The following ZNF804A variants were observed in gnomAD, a reference collection of about 807,000 sequenced individuals.
ZNF804A encodes zinc finger protein 804A.
Under a neutral mutation model 16.5 loss-of-function variants are expected in ZNF804A, and 2 were observed. The ratio of observed to expected loss-of-function variants is 0.12; its 90% CI spans 0.05 to 0.38. ZNF804A has a LOEUF of 0.38. Ranked by LOEUF, ZNF804A falls within the 10% of genes least tolerant of loss-of-function variation. The pLI, the probability that ZNF804A is intolerant of heterozygous loss-of-function variation, is 0.99. For synonymous variants in ZNF804A, 534 were observed against 489.6 expected (o/e 1.09, Z -1.20); for missense variants, 1,473 against 1,390.7 (o/e 1.06, Z -0.94).
intron 1 of ZNF804A, among the ~76,000 whole-genome samples, chr2:184,669,216 T>G (rs1419973446): frequency 6.6e-6 from 1 of 152,078 alleles, no homozygotes; most frequent in Non-Finnish European, 1.5e-5. Flanking sequence ...TTCTTGCAGA[T>G]ACACTGAGAA....
chr2:184,731,249 C>T (rs138568940), intron 1 of ZNF804A, among the ~76,000 whole-genome samples: 2,862 of 29,378 alleles, frequency 0.097, 73 homozygotes, highest in South Asian at 0.21. Flanking sequence ...TAGGCTCCGT[C>T]GCAAAAAAAA....
At chr2:184,730,630 A>G (rs1207847520) in intron 1 of ZNF804A, among the ~76,000 whole-genome samples, 1 of 152,174 alleles carries the variant, frequency 6.6e-6, no homozygotes, top group Non-Finnish European at 1.5e-5. Context: ...CACAGTATGT[A>G]GCTTTTTCAG....
intron 1 of ZNF804A, among the ~76,000 whole-genome samples, chr2:184,844,567 T>C (rs1288823463): frequency 6.6e-6 from 1 of 152,072 alleles, no homozygotes; most frequent in African/African-American, 2.4e-5. Flanking sequence ...GAGAAGTCTA[T>C]TGTAATTCTT....
At chr2:184,836,273 G>T (rs972180890) in intron 1 of ZNF804A, among the ~76,000 whole-genome samples, 2 of 152,092 alleles carry the variant, frequency 1.3e-5, no homozygotes, top group Non-Finnish European at 2.9e-5. Context: ...TTTGTTTGCT[G>T]CCTGTTACTA....
At chr2:184,604,199 T>G (rs978388756) in intron 1 of ZNF804A, among the ~76,000 whole-genome samples, 6 of 101,742 alleles carry the variant, frequency 5.9e-5, no homozygotes, top group African/African-American at 2.0e-4. Context: ...AGACGGAGTC[T>G]GGCTCTTTTT....
chr2:184,804,803 T>G (rs538660013), intron 1 of ZNF804A, among the ~76,000 whole-genome samples: 1 of 152,298 alleles, frequency 6.6e-6, no homozygotes, highest in Admixed American at 6.5e-5. Context: ...TTATATCAAG[T>G]GCGTTATACA....
intron 1 of ZNF804A, among the ~76,000 whole-genome samples, chr2:184,862,493 T>G (rs1251809045): frequency 1.3e-5 from 2 of 152,186 alleles, no homozygotes; most frequent in African/African-American, 2.4e-5. Flanking sequence ...TACTATCATT[T>G]GCAAACTTAA....
chr2:184,639,333 C>T lies in ZNF804A; in HGVS notation c.111+40263C>T, dbSNP rs201169906. ...AGGTGATCCACCCGCCTCGGCCTCCCAAAGTGTTGAGATTACAGGTATCAG... is the reference window on the plus strand; with the variant it reads ...AGGTGATCCACCCGCCTCGGCCTCCTAAAGTGTTGAGATTACAGGTATCAG... On this transcript the variant is annotated intron_variant, in intron 1 of 3. Transcript: ENST00000302277. Among the ~76,000 whole-genome samples, 23 of 152,008 alleles carry T rather than the reference C, an allele frequency of 1.5e-4. No individual in the cohort carries two copies. In the East Asian group the frequency reaches 4.1e-3, roughly 27 times the overall value.
intron 1 of ZNF804A, among the ~76,000 whole-genome samples, chr2:184,640,953 T>A (rs995086517): frequency 6.6e-6 from 1 of 152,168 alleles, no homozygotes; most frequent in Non-Finnish European, 1.5e-5. Flanking sequence ...TTTTTTAAAA[T>A]TTTTTATTTT....
chr2:184,893,051 T>G (rs1685013241), intron 2 of ZNF804A, among the ~76,000 whole-genome samples: 1 of 152,114 alleles, frequency 6.6e-6, no homozygotes, highest in South Asian at 2.1e-4. Context: ...ACCTAAAGTT[T>G]AGAAACACTC....
chr2:184,799,750 G>T (rs574648334), intron 1 of ZNF804A, among the ~76,000 whole-genome samples: 3 of 151,344 alleles, frequency 2.0e-5, no homozygotes, highest in Non-Finnish European at 4.4e-5. Flanking sequence ...GCCATGTTGC[G>T]CCAGGCTGGT....
At chr2:184,608,238 C>A (rs1353517355) in intron 1 of ZNF804A, among the ~76,000 whole-genome samples, 5 of 152,108 alleles carry the variant, frequency 3.3e-5, no homozygotes, top group African/African-American at 7.2e-5. Flanking sequence ...AGCCACCGCG[C>A]CCGGCCGATG....
chr2:184,920,568 G>A (rs1048299676), intron 2 of ZNF804A, among the ~76,000 whole-genome samples: 1 of 152,122 alleles, frequency 6.6e-6, no homozygotes, highest in Non-Finnish European at 1.5e-5. Flanking sequence ...TGGAAACTGT[G>A]ACTTTTTTCT....
intron 1 of ZNF804A, among the ~76,000 whole-genome samples, chr2:184,813,450 A>T (rs966950231): frequency 7.9e-5 from 12 of 152,088 alleles, no homozygotes; most frequent in Non-Finnish European, 1.8e-4. Flanking sequence ...AATAGGAAAT[A>T]GGACATTTCT....
At chr2:184,767,346 A>G (rs1293495748) in intron 1 of ZNF804A, among the ~76,000 whole-genome samples, 1 of 152,166 alleles carries the variant, frequency 6.6e-6, no homozygotes, top group Admixed American at 6.6e-5. Context: ...ATAAGCCGGA[A>G]ACAAAAAACA....
At chr2:184,806,271 A>G (rs920106413) in intron 1 of ZNF804A, among the ~76,000 whole-genome samples, 4 of 151,900 alleles carry the variant, frequency 2.6e-5, no homozygotes, top group Admixed American at 2.0e-4. Context: ...ACTCTTATAC[A>G]TTCGTAGTCT....
At chr2:184,692,256 C>T (rs1021730887) in intron 1 of ZNF804A, among the ~76,000 whole-genome samples, 119 of 152,266 alleles carry the variant, frequency 7.8e-4, no homozygotes, top group African/African-American at 2.7e-3. Flanking sequence ...TGATTCAGCA[C>T]TTAGATTTTA....
chr2:184,617,106 T>TA lies in ZNF804A; in HGVS notation c.111+18043dup, dbSNP rs560395144. On this transcript the variant is annotated intron_variant, in intron 1 of 3. Coordinates refer to ENST00000302277, the MANE Select transcript of ZNF804A (RefSeq NM_194250.2). ...ATTATAAAAAAGAAAGAAGATAAAT[T>TA]AAAAAAACTTGAAAAAACTGTAGTT... Among the ~76,000 whole-genome samples, 14 of 152,130 alleles carry TA rather than the reference T, an allele frequency of 9.2e-5. No individual in the cohort carries two copies. The East Asian group carries it at 1.2e-3, about 13-fold the overall frequency.
intron 1 of ZNF804A, among the ~76,000 whole-genome samples, chr2:184,726,769 C>T (rs16826178): frequency 0.33 from 50,358 of 151,156 alleles, 11,645 homozygotes; most frequent in African/African-American, 0.66. Flanking sequence ...TAAAAATACA[C>T]AGTTATCCCT....
Sources: allele counts gnomAD v4.1 joint callset (sites outside exome capture counted in the v4.1 genomes callset), GRCh38; gene constraint gnomAD v4.1.1; transcripts MANE v1.5; gene names NCBI Gene and HGNC (gene_info 2026-07-23, HGNC 2026-07-21).